CA10: variants seen among roughly 807,000 people sequenced by gnomAD.
The protein encoded by CA10 is carbonic anhydrase 10 (inactive).
In CA10, 14 loss-of-function variants were observed where a neutral mutation model predicts 44.2. The ratio of observed to expected loss-of-function variants is 0.32; its 90% CI spans 0.21 to 0.50. The LOEUF is 0.50. Among genes scored for constraint, CA10 ranks in the 20% least tolerant of loss-of-function variants. The pLI, the probability that CA10 is intolerant of heterozygous loss-of-function variation, is 0.99. For synonymous variants in CA10, 159 were observed against 141.6 expected (o/e 1.12, Z -0.87); for missense variants, 350 against 409.7 (o/e 0.85, Z 1.26).
rs535763488 is a variant in CA10, at chr17:51,884,294, C to T, written c.279+46696G>A. ...CTCTAAAACAGATGGCCACTTTGCT[C>T]GCAGCCCTACATAAGTTCCTCATTG... On this transcript the variant is annotated intron_variant, in intron 3 of 8. Transcript: ENST00000451037. 1.1e-4 allele frequency among the ~76,000 whole-genome samples: 16 copies of T among 152,240 alleles called. No homozygotes were observed. In the South Asian group the frequency reaches 3.1e-3, roughly 30 times the overall value.
chr17:51,749,821 G>C (rs974889333), intron 3 of CA10, among the ~76,000 whole-genome samples: 1 of 152,160 alleles, frequency 6.6e-6, no homozygotes, highest in Non-Finnish European at 1.5e-5. Flanking sequence ...ACTGGGGAAC[G>C]GGGGAGGGAA....
intron 2 of CA10, among the ~76,000 whole-genome samples, chr17:51,939,094 T>A (rs998391213): frequency 4.6e-5 from 7 of 152,170 alleles, no homozygotes; most frequent in African/African-American, 1.7e-4. Flanking sequence ...TTCAACATCT[T>A]TCAGTATACT....
At chr17:51,877,711 A>G (rs926073853) in intron 3 of CA10, among the ~76,000 whole-genome samples, 5 of 152,214 alleles carry the variant, frequency 3.3e-5, no homozygotes, top group Non-Finnish European at 7.3e-5. Context: ...AATGACAATT[A>G]GTATTACTAA....
chr17:51,987,454 A>G (rs1226921533), intron 2 of CA10, among the ~76,000 whole-genome samples: 1 of 152,032 alleles, frequency 6.6e-6, no homozygotes, highest in East Asian at 1.9e-4. Flanking sequence ...GGTGCACCAA[A>G]ATCTCACAAA....
intron 3 of CA10, among the ~76,000 whole-genome samples, chr17:51,885,164 T>C (rs1420360142): frequency 6.6e-6 from 1 of 152,238 alleles, no homozygotes. Context: ...TTTCTCTTTA[T>C]ACAAGAATGC....
At chr17:51,640,097 A>T (rs1479040261) in intron 6 of CA10, among the ~76,000 whole-genome samples, 2 of 152,054 alleles carry the variant, frequency 1.3e-5, no homozygotes, top group African/African-American at 4.8e-5. Flanking sequence ...TGCCTATTTG[A>T]CTGTCCCTGC....
chr17:51,700,902 C>G (rs1286131709), intron 4 of CA10, among the ~76,000 whole-genome samples: 1 of 152,070 alleles, frequency 6.6e-6, no homozygotes, highest in Admixed American at 6.5e-5. Flanking sequence ...AAACCACACA[C>G]CCCGGGGCCT....
At chr17:52,052,837 A>G (rs953486872) in intron 2 of CA10, among the ~76,000 whole-genome samples, 21 of 152,088 alleles carry the variant, frequency 1.4e-4, no homozygotes, top group Admixed American at 1.3e-3. Context: ...TTTGCATATT[A>G]ATGCTAAGTT....
intron 1 of CA10, among the ~76,000 whole-genome samples, chr17:52,144,132 G>A (rs1336954673): frequency 2.6e-5 from 4 of 152,178 alleles, no homozygotes; most frequent in South Asian, 4.1e-4. Context: ...CATGGGTAAG[G>A]TTACCACAAA....
intron 2 of CA10, among the ~76,000 whole-genome samples, chr17:52,055,170 G>T (rs1277302327): frequency 6.6e-6 from 1 of 152,048 alleles, no homozygotes; most frequent in Admixed American, 6.6e-5. Context: ...ACTTATCTGA[G>T]ACTCTTTGCA....
In CA10 at chr17:52,124,202, A is replaced by G. The variant is rs1417419228; in HGVS notation, c.61+33524T>C. On this transcript the variant is annotated intron_variant, in intron 1 of 8. Coordinates refer to ENST00000451037, the MANE Select transcript of CA10 (RefSeq NM_020178.5). ...GCATTTATCCTCTCTCCTTCATCCC[A>G]TTTCCCACCTACAGAATTTGGTCCA... Among the ~76,000 whole-genome samples, 12 of 152,062 alleles carry G rather than the reference A, an allele frequency of 7.9e-5. 1 individual carries two copies. The highest frequency in any genetic ancestry group is 7.2e-4 in the Admixed American group (11 of 15,274).
intron 4 of CA10, among the ~76,000 whole-genome samples, chr17:51,704,863 T>G (rs934446086): frequency 6.6e-6 from 1 of 151,360 alleles, no homozygotes; most frequent in African/African-American, 2.4e-5. Flanking sequence ...TCAGGGAGGC[T>G]GAGGCAGGAG....
In CA10 at chr17:52,072,700, C is replaced by CAG. The variant is rs1987714223; in HGVS notation, c.62-308_62-307insCT. On this transcript the variant is annotated intron_variant, in intron 1 of 8. Transcript: ENST00000451037. ...CCATACACACACACACACACACACACACACACACACACACACAACACACAC... is the reference window on the plus strand; with the variant it reads ...CCATACACACACACACACACACACACAGACACACACACACACACAACACACAC... 2.0e-5 allele frequency among the ~76,000 whole-genome samples: 3 copies of CAG among 151,632 alleles called. No homozygotes were observed. In the East Asian group the frequency reaches 5.8e-4, roughly 29 times the overall value.
intron 3 of CA10, among the ~76,000 whole-genome samples, chr17:51,910,889 G>A (rs1283057504): frequency 1.3e-5 from 2 of 152,146 alleles, no homozygotes; most frequent in African/African-American, 2.4e-5. Flanking sequence ...ATTGCAGGGA[G>A]GGGACACATT....
At chr17:51,681,035 G>A (rs1272850114) in intron 4 of CA10, among the ~76,000 whole-genome samples, 1 of 152,166 alleles carries the variant, frequency 6.6e-6, no homozygotes, top group Non-Finnish European at 1.5e-5. Flanking sequence ...ATGGGTGAAG[G>A]TCAATGACAA....
At chr17:51,737,285 G>A (rs1916943775) in intron 4 of CA10, among the ~76,000 whole-genome samples, 1 of 152,154 alleles carries the variant, frequency 6.6e-6, no homozygotes, top group African/African-American at 2.4e-5. Flanking sequence ...GACTGGGTGT[G>A]ATAAGGCCCT....
intron 2 of CA10, among the ~76,000 whole-genome samples, chr17:51,961,468 A>C (rs888429705): frequency 3.3e-5 from 5 of 152,168 alleles, no homozygotes; most frequent in Admixed American, 3.3e-4. Context: ...AAAAGAAAAA[A>C]AATAAATGAA....
chr17:51,749,198 A>G (rs902473419), intron 3 of CA10, among the ~76,000 whole-genome samples: 3 of 152,232 alleles, frequency 2.0e-5, no homozygotes, highest in Admixed American at 6.5e-5. Flanking sequence ...TCCCCTCCCT[A>G]TAACTACACT....
At chr17:51,957,472 A>G (rs569504826) in intron 2 of CA10, among the ~76,000 whole-genome samples, 8 of 151,922 alleles carry the variant, frequency 5.3e-5, no homozygotes, top group African/African-American at 9.7e-5. Flanking sequence ...GGTATGGTTC[A>G]CTAAGGAAGG....
Sources: gnomAD v4.1 joint callset for allele counts (sites outside exome capture counted in the v4.1 genomes callset) on GRCh38, gnomAD v4.1.1 for gene constraint, MANE v1.5 for transcripts, NCBI Gene and HGNC (gene_info 2026-07-23, HGNC 2026-07-21) for gene names.